MED13: variants seen among roughly 807,000 people sequenced by gnomAD.
The protein encoded by MED13 is mediator complex subunit 13.
A neutral mutation model predicts 225.2 loss-of-function variants in MED13; 23 were observed. The observed-to-expected ratio is 0.10, with a 90% CI of 0.07 to 0.14. The LOEUF (loss-of-function observed/expected upper bound fraction) is 0.14. Ranked by LOEUF, MED13 falls within the 10% of genes least tolerant of loss-of-function variation. The probability of loss-of-function intolerance (pLI) is 1.00; values close to 1 mark genes in which losing one functional copy is unlikely to be tolerated. For synonymous variants in MED13, 942 were observed against 889.2 expected (o/e 1.06, Z -1.06); for missense variants, 2,197 against 2,594.5 (o/e 0.85, Z 3.33).
At chr17:62,065,009 C>G (rs1003480714) in intron 1 of MED13, 131 bp downstream of exon 1, 1 of 725,628 alleles carries the variant, frequency 1.4e-6, no homozygotes, top group African/African-American at 1.9e-5. Context: ...CGGAGCTTCG[C>G]AGGGCGCCGG....
rs541819328 is a variant in MED13 at position 62,048,072 on chromosome 17, G to GTA, written c.470+4463_470+4464dup. On this transcript the variant is annotated intron_variant, in intron 3 of 29. Transcript: ENST00000397786. ...TATATATATATATATATGTATATATGTATATATATATCCCTGAAGGTGGAT... is the reference window on the plus strand; with the variant it reads ...TATATATATATATATATGTATATATGTATATATATATATCCCTGAAGGTGGAT... 6.0e-4 allele frequency among the ~76,000 whole-genome samples: 76 copies of GTA among 125,982 alleles called. 1 individual carries two copies. The highest frequency in any genetic ancestry group is 1.9e-3 in the African/African-American group (63 of 33,890). The allele number at this position is 125,982 out of a possible 152,430, so 82.6% of individuals were successfully genotyped here. A position where few individuals can be genotyped will look rare whatever the true frequency, so the allele number is the denominator to read the frequency against.
intron 10 of MED13, among the ~76,000 whole-genome samples, 172 bp from the exon 11 acceptor site, chr17:61,992,793 G>T (rs1332738539): frequency 6.6e-6 from 1 of 150,574 alleles, no homozygotes; most frequent in East Asian, 1.9e-4. Context: ...TTTTTGAGAT[G>T]GACTCTCGCT....
intron 8 of MED13, among the ~76,000 whole-genome samples, chr17:62,024,143 G>A (rs934606401): frequency 2.6e-5 from 4 of 151,914 alleles, no homozygotes; most frequent in African/African-American, 9.7e-5. Flanking sequence ...TCAGCCTCCT[G>A]AGTAGCTGGG....
At chr17:61,985,549 T>A (rs2080240303) in intron 12 of MED13, among the ~76,000 whole-genome samples, 1 of 152,126 alleles carries the variant, frequency 6.6e-6, no homozygotes, top group Non-Finnish European at 1.5e-5. Context: ...GGCATGCCTG[T>A]AATTCCAGCT....
intron 26 of MED13, among the ~76,000 whole-genome samples, chr17:61,953,590 A>G (rs1161556709): frequency 6.6e-6 from 1 of 152,216 alleles, no homozygotes; most frequent in Non-Finnish European, 1.5e-5. Context: ...AAACTGACAA[A>G]GGCAAGGAAA....
intron 9 of MED13, among the ~76,000 whole-genome samples, chr17:62,000,865 C>A (rs1186498001): frequency 6.6e-6 from 1 of 152,204 alleles, no homozygotes; most frequent in East Asian, 1.9e-4. Context: ...CAGGTTTAAG[C>A]GATTCTCCTA....
At position 61,967,915 on chromosome 17, in the gene MED13, T is replaced by C; in HGVS notation, c.4191+120A>G. ...GAATGTAACTGGCTAGTATGAGAAA[T>C]AAACATCTAATCTGACATCATCACT... On this transcript the variant is annotated intron_variant, in intron 18 of 29. Transcript: ENST00000397786. 7 of 749,712 alleles carry C rather than the reference T, an allele frequency of 9.3e-6. No individual in the cohort carries two copies. The South Asian group carries it at 1.3e-4, about 14-fold the overall frequency. The allele number at this position is 749,712 out of a possible 1,614,324, so 46.4% of individuals were successfully genotyped here.
chr17:62,044,630 G>A (rs539703124), intron 3 of MED13, among the ~76,000 whole-genome samples: 8 of 152,168 alleles, frequency 5.3e-5, no homozygotes, highest in African/African-American at 1.7e-4. Context: ...ATGTAATATA[G>A]ACATACAAAC....
chr17:62,001,502 A>G (rs1422395355), intron 9 of MED13, among the ~76,000 whole-genome samples: 1 of 152,194 alleles, frequency 6.6e-6, no homozygotes, highest in Non-Finnish European at 1.5e-5. Context: ...ATCTCACTCA[A>G]TACTTGCAAT....
chr17:61,955,957 A>G (rs750878953), intron 24 of MED13, 119 bp from the exon 25 acceptor site: 29 of 1,351,996 alleles, frequency 2.1e-5, no homozygotes, highest in Non-Finnish European at 2.8e-5. Context: ...TGGCTTTTAA[A>G]TTAGTGTATT....
chr17:61,986,120 A>G (rs1231878520), intron 12 of MED13, among the ~76,000 whole-genome samples: 1 of 152,202 alleles, frequency 6.6e-6, no homozygotes, highest in Non-Finnish European at 1.5e-5. Flanking sequence ...CAGGAATGGT[A>G]GTAGAGAGAA....
chr17:62,041,585 T>G (rs1456418673), intron 3 of MED13, among the ~76,000 whole-genome samples: 1 of 152,148 alleles, frequency 6.6e-6, no homozygotes, highest in Admixed American at 6.5e-5. Context: ...CATCTTTTTT[T>G]TTTTCCTTTG....
At chr17:62,025,961 C>T (rs2080697668) in intron 8 of MED13, among the ~76,000 whole-genome samples, 1 of 152,150 alleles carries the variant, frequency 6.6e-6, no homozygotes, top group Non-Finnish European at 1.5e-5. Flanking sequence ...CATAACAGCA[C>T]ACTTGAGAGA....
chr17:62,035,116 G>A lies in MED13; in HGVS notation c.616+347C>T, dbSNP rs142436059. Among the ~76,000 whole-genome samples the A allele has an allele frequency of 3.3e-3, 504 of 152,036 alleles. 3 individuals carry two copies. Among genetic ancestry groups the A allele is most frequent in the Middle Eastern group, 0.014 (4 of 294 alleles). ...AGCCTGGGCGACAGAGCGAAACTCCGTCTCAAAAAACAAAAACAAAAACAA... is the reference window on the plus strand; with the variant it reads ...AGCCTGGGCGACAGAGCGAAACTCCATCTCAAAAAACAAAAACAAAAACAA... On this transcript the variant is annotated intron_variant, in intron 4 of 29. Coordinates refer to ENST00000397786, the MANE Select transcript of MED13 (RefSeq NM_005121.3).
At position 61,985,219 on chromosome 17, in the gene MED13, C is replaced by T. The variant is rs2080237705; in HGVS notation, c.2386-129G>A. ...GTAGTATTTTGAATCTGTGATACAG[C>T]CAAATACATACTAGTGTTGAAAGAT... is the stretch of plus-strand genomic sequence containing the variant. On this transcript the variant is annotated intron_variant, in intron 12 of 29. Coordinates refer to ENST00000397786, the MANE Select transcript of MED13 (RefSeq NM_005121.3). 6.0e-6 allele frequency: 4 copies of T among 665,110 alleles called. No homozygotes were observed. In the African/African-American group the frequency reaches 7.3e-5, roughly 12 times the overall value. 41.2% of individuals were successfully genotyped at this position (665,110 alleles called of 1,614,324 possible).
At chr17:62,027,371 T>C (rs2080712370) in intron 8 of MED13, among the ~76,000 whole-genome samples, 1 of 152,204 alleles carries the variant, frequency 6.6e-6, no homozygotes, top group Non-Finnish European at 1.5e-5. Context: ...CTGGTATAAG[T>C]GGCTAGTCAT....
chr17:61,995,496 G>A, intron 9 of MED13, 131 bp from the exon 10 acceptor site: 5 of 595,130 alleles, frequency 8.4e-6, no homozygotes, highest in Non-Finnish European at 1.1e-5. Context: ...TTTCAGAAAT[G>A]AGGAGGCATG....
intron 16 of MED13, 74 bp from the exon 17 acceptor site, chr17:61,972,962 A>C: frequency 7.7e-7 from 1 of 1,293,942 alleles, no homozygotes; most frequent in South Asian, 1.5e-5. Flanking sequence ...AAGATAATAC[A>C]AAACACATAT....
chr17:61,982,300 C>G lies in MED13; in HGVS notation c.3703G>C (p.Ala1235Pro), dbSNP rs1369127043. ...ATGAACTGACGCCCATGTTCTAATGCAAGGTAGCAGTCATTGCAACAGTCA... is the reference window on the plus strand; with the variant it reads ...ATGAACTGACGCCCATGTTCTAATGGAAGGTAGCAGTCATTGCAACAGTCA... ...ERDCCNDCYL[A>P]LEHGRQFMDN... Residue 1235 changes from alanine (A) to proline (P), a missense_variant, in exon 16 of 30, where the codon GCA becomes CCA. Coordinates refer to ENST00000397786, the MANE Select transcript of MED13 (RefSeq NM_005121.3). 1.2e-5 allele frequency: 19 copies of G among 1,614,064 alleles called. No individual in the cohort carries two copies. Among genetic ancestry groups the G allele is most frequent in the Non-Finnish European group, 1.6e-5 (19 of 1,180,036 alleles).
Sources: gnomAD v4.1 joint callset for allele counts (sites outside exome capture counted in the v4.1 genomes callset) on GRCh38, gnomAD v4.1.1 for gene constraint, MANE v1.5 for transcripts, NCBI Gene and HGNC (gene_info 2026-07-23, HGNC 2026-07-21) for gene names.